DENND2B: variants seen among roughly 807,000 people sequenced by gnomAD.
DENND2B encodes DENN domain containing 2B.
A neutral mutation model predicts 116.0 loss-of-function variants in DENND2B; 32 were observed. That is an observed-to-expected ratio of 0.28 (90% CI 0.21 to 0.37). The LOEUF (loss-of-function observed/expected upper bound fraction) is 0.37, where lower values mean the gene tolerates loss of function less well. Ranked by LOEUF, DENND2B falls within the 10% of genes least tolerant of loss-of-function variation. The pLI, the probability that DENND2B is intolerant of heterozygous loss-of-function variation, is 1.00. For missense variants in DENND2B, 1,276 were observed against 1,477.7 expected, an observed-to-expected ratio of 0.86 and a Z score of 2.24; for synonymous variants, 588 against 583.9, an observed-to-expected ratio of 1.01 and a Z score of -0.10.
intron 3 of DENND2B, among the ~76,000 whole-genome samples, chr11:8,726,545 C>T (rs932679304): frequency 6.6e-6 from 1 of 152,202 alleles, no homozygotes; most frequent in Non-Finnish European, 1.5e-5. Flanking sequence ...AGTATTGGGA[C>T]ATCTTGTGAA....
In DENND2B at chr11:8,829,388, A is replaced by G. The variant is rs531336975; in HGVS notation, c.-115+9922T>C. 3.9e-5 allele frequency among the ~76,000 whole-genome samples: 6 copies of G among 152,176 alleles called. No individual in the cohort carries two copies. The East Asian group carries it at 1.2e-3, about 29-fold the overall frequency. ...ACAAGGCAAAAATCATGTGGAGTCAAGTTATCTTGAAAATTCCCTTAGAAA... is the reference window on the plus strand; with the variant it reads ...ACAAGGCAAAAATCATGTGGAGTCAGGTTATCTTGAAAATTCCCTTAGAAA... On this transcript the variant is annotated intron_variant, in intron 4 of 6. Transcript: ENST00000524757.
intron 4 of DENND2B, among the ~76,000 whole-genome samples, chr11:8,833,828 C>A (rs546973009): frequency 6.6e-6 from 1 of 152,118 alleles, no homozygotes; most frequent in African/African-American, 2.4e-5. Context: ...AGGATTTCAC[C>A]CATCCTTACC....
intron 1 of DENND2B, among the ~76,000 whole-genome samples, chr11:8,884,309 T>G (rs920278216): frequency 6.6e-6 from 1 of 151,952 alleles, no homozygotes; most frequent in Non-Finnish European, 1.5e-5. Context: ...CTCTTCGGAC[T>G]TCCTTTGTTT....
At chr11:8,704,999 C>G (rs1044897921) in intron 13 of DENND2B, among the ~76,000 whole-genome samples, 1 of 152,096 alleles carries the variant, frequency 6.6e-6, no homozygotes, top group Non-Finnish European at 1.5e-5. Flanking sequence ...CCACGGTGCC[C>G]GGTCTGACCT....
intron 2 of DENND2B, among the ~76,000 whole-genome samples, chr11:8,880,100 G>A (rs1227922834): frequency 6.6e-6 from 1 of 152,128 alleles, no homozygotes; most frequent in Non-Finnish European, 1.5e-5. Flanking sequence ...GAACATGGTT[G>A]ACATACCACA....
intron 4 of DENND2B, among the ~76,000 whole-genome samples, chr11:8,817,396 C>G (rs918388029): frequency 6.6e-6 from 1 of 152,124 alleles, no homozygotes; most frequent in Non-Finnish European, 1.5e-5. Flanking sequence ...GCCACACAAA[C>G]TTTGCTTGCA....
chr11:8,725,194 T>G (rs1188710297), intron 4 of DENND2B, among the ~76,000 whole-genome samples: 1 of 152,076 alleles, frequency 6.6e-6, no homozygotes, highest in Non-Finnish European at 1.5e-5. Flanking sequence ...GGGAGGTGAT[T>G]AGGTCATGAG....
chr11:8,702,098 C>T lies in DENND2B; in HGVS notation c.2720+474G>A, dbSNP rs1001521754. ...AGTTGCCTTCTCCAGGGGACACCCT[C>T]CACAGGACCCTCGCTGGCTGGCTCA... is the stretch of plus-strand genomic sequence containing the variant. On this transcript the variant is annotated intron_variant, in intron 14 of 19. Coordinates refer to ENST00000313726, the MANE Select transcript of DENND2B (RefSeq NM_213618.2). The surrounding 1 kb of genome is among the most constrained non-coding windows in gnomAD (Gnocchi z 4.6). 2.6e-4 allele frequency among the ~76,000 whole-genome samples: 40 copies of T among 152,136 alleles called. No individual in the cohort carries two copies. Among genetic ancestry groups the T allele is most frequent in the African/African-American group, 9.7e-4 (40 of 41,406 alleles).
At position 8,707,666 on chromosome 11, in the gene DENND2B, C is replaced by A. The variant is rs1302658317; in HGVS notation, c.2430+111G>T. The A allele has an allele frequency of 2.9e-6, 3 of 1,030,172 alleles. No homozygotes were observed. The highest frequency in any genetic ancestry group is 4.5e-5 in the Admixed American group (2 of 44,790). The allele number at this position is 1,030,172 out of a possible 1,614,324, so 63.8% of individuals were successfully genotyped here. The stretch of plus-strand genomic sequence containing the variant: ...ACTGGTACTTGTTCCTGCATTCTGT[C>A]TCCCGCTCGCTCACAGTCACAGGTG... On this transcript the variant is annotated intron_variant, in intron 12 of 19. Transcript: ENST00000313726. The surrounding 1 kb of genome is among the most constrained non-coding windows in gnomAD (Gnocchi z 4.8).
At chr11:8,819,348 G>C (rs1199506350) in intron 4 of DENND2B, among the ~76,000 whole-genome samples, 1 of 151,990 alleles carries the variant, frequency 6.6e-6, no homozygotes, top group African/African-American at 2.4e-5. Flanking sequence ...AGTGGGCCAT[G>C]ATCATGCCAC....
chr11:8,763,643 A>T (rs561294414), intron 1 of DENND2B, among the ~76,000 whole-genome samples: 1 of 150,004 alleles, frequency 6.7e-6, no homozygotes, highest in African/African-American at 2.5e-5. Flanking sequence ...ATACTAGATG[A>T]GCCTATTTAT....
intron 1 of DENND2B, chr11:8,895,692 T>A (rs1174299402): frequency 2.6e-5 from 4 of 152,244 alleles, no homozygotes; most frequent in Non-Finnish European, 5.9e-5. Flanking sequence ...ACATTTTGAA[T>A]ATATTTAATA....
chr11:8,806,683 A>G (rs2060887567), intron 1 of DENND2B, among the ~76,000 whole-genome samples: 1 of 143,720 alleles, frequency 7.0e-6, no homozygotes, highest in Non-Finnish European at 1.5e-5. Flanking sequence ...TAGAGAGCTC[A>G]GGTGTTTCTA....
At chr11:8,697,744 A>G (rs1036188095) in intron 16 of DENND2B, 108 bp from the exon 17 acceptor site, 14 of 737,624 alleles carry the variant, frequency 1.9e-5, no homozygotes, top group African/African-American at 5.2e-5. Flanking sequence ...TATCTCTCCC[A>G]GTAACCCTCA....
chr11:8,742,343 G>A (rs779696776), intron 2 of DENND2B, among the ~76,000 whole-genome samples: 3 of 152,012 alleles, frequency 2.0e-5, no homozygotes, highest in Non-Finnish European at 1.5e-5. Flanking sequence ...TTTTTGAGGT[G>A]GGTGGTTGGC....
intron 3 of DENND2B, among the ~76,000 whole-genome samples, chr11:8,729,426 A>G (rs766807294): frequency 6.6e-6 from 1 of 152,200 alleles, no homozygotes; most frequent in Non-Finnish European, 1.5e-5. Flanking sequence ...CCCTCTTGAT[A>G]TAGGCCCAGG....
intron 13 of DENND2B, among the ~76,000 whole-genome samples, chr11:8,705,028 C>T (rs930228171): frequency 1.3e-5 from 2 of 152,094 alleles, no homozygotes; most frequent in African/African-American, 4.8e-5. Flanking sequence ...TTGAGAAAAT[C>T]AAAGCCATCA....
intron 2 of DENND2B, among the ~76,000 whole-genome samples, chr11:8,880,325 C>T (rs1358354568): frequency 2.1e-5 from 3 of 144,322 alleles, no homozygotes; most frequent in Non-Finnish European, 4.5e-5. Flanking sequence ...TACAGATGCA[C>T]TGGAAGCTGT....
chr11:8,745,468 G>C (rs1344529868), intron 2 of DENND2B, among the ~76,000 whole-genome samples: 1 of 152,156 alleles, frequency 6.6e-6, no homozygotes, highest in Non-Finnish European at 1.5e-5. Flanking sequence ...TTTTGCATCT[G>C]GGAAAGATGT....
Sources: gnomAD v4.1 joint callset for allele counts (sites outside exome capture counted in the v4.1 genomes callset) on GRCh38, gnomAD v4.1.1 for gene constraint, Gnocchi (gnomAD v3.1) non-coding constraint, MANE v1.5 for transcripts, NCBI Gene and HGNC (gene_info 2026-07-23, HGNC 2026-07-21) for gene names.